Variants in SPTAN1 observed in about 807,000 individuals in gnomAD.
SPTAN1 encodes spectrin alpha chain, non-erythrocytic 1.
Under a neutral mutation model 331.3 loss-of-function variants are expected in SPTAN1, and 61 were observed. The ratio of observed to expected loss-of-function variants is 0.18; its 90% CI spans 0.15 to 0.23. The LOEUF (loss-of-function observed/expected upper bound fraction) is 0.23, where lower values mean the gene tolerates loss of function less well. Among genes scored for constraint, SPTAN1 ranks in the 10% least tolerant of loss-of-function variants. The pLI is 1.00. For synonymous variants in SPTAN1, 1,153 were observed against 1,173.9 expected (o/e 0.98, Z 0.36); for missense variants, 2,043 against 3,147.9 (o/e 0.65, Z 8.40).
rs1003144979 is a variant in SPTAN1 at position 128,629,827 on chromosome 9, C to A, written c.6708-494C>A. ...CACTTGTGTCCTTTGTCTGCAGGGT[C>A]GTGCTCTCATTCCCCCTAGAATGGG... On this transcript the variant is annotated intron_variant, in intron 51 of 56. Transcript: ENST00000372739. This position sits in a 1 kb window ranked among gnomAD's most constrained non-coding sequence, Gnocchi z 4.9. The A allele has an allele frequency of 3.2e-5, 10 of 309,046 alleles. No individual in the cohort carries two copies. In the East Asian group the frequency reaches 6.6e-4, roughly 20 times the overall value. The allele number at this position is 309,046 out of a possible 1,614,324, so 19.1% of individuals were successfully genotyped here. A position where few individuals can be genotyped will look rare whatever the true frequency, so the allele number is the denominator to read the frequency against.
intron 22 of SPTAN1, 28 bp downstream of exon 22, chr9:128,591,653 GCTA>G: frequency 6.2e-7 from 1 of 1,612,756 alleles, no homozygotes; most frequent in African/African-American, 1.3e-5. Flanking sequence ...GGCCGCAAGG[GCTA>G]GGCGTCCCAT....
intron 23 of SPTAN1, 113 bp from the exon 24 acceptor site, chr9:128,594,062 A>G: frequency 2.0e-6 from 2 of 1,000,176 alleles, no homozygotes; most frequent in Non-Finnish European, 1.6e-6. Flanking sequence ...CATCATTACA[A>G]ACTCGTAGCC....
chr9:128,632,874 G>T lies in SPTAN1; in HGVS notation c.7227G>T (p.Lys2409Asn). The change falls in exon 56 of 57, where the codon AAG becomes AAT. Residue 2409 changes from lysine (K) to asparagine (N), a missense_variant. Coordinates refer to ENST00000372739, the MANE Select transcript of SPTAN1 (RefSeq NM_001130438.3). The part of the protein sequence containing the change: ...FMISRETENV[K>N]SSEEIESAFR... ...TCAGCCGCGAAACTGAGAACGTCAAGTCCAGCGAGGAGATTGAGAGCGCCT... is the reference window on the plus strand; with the variant it reads ...TCAGCCGCGAAACTGAGAACGTCAATTCCAGCGAGGAGATTGAGAGCGCCT... The T allele has an allele frequency of 6.2e-7, 1 of 1,614,072 alleles. No homozygotes were observed. The highest frequency in any genetic ancestry group is 8.5e-7 in the Non-Finnish European group (1 of 1,180,050).
intron 30 of SPTAN1, 21 bp downstream of exon 30, chr9:128,605,199 C>CT: frequency 1.9e-6 from 3 of 1,614,098 alleles, no homozygotes; most frequent in Non-Finnish European, 2.5e-6. Context: ...CCAAAGTCAT[C>CT]TTCTGTCTGG....
intron 1 of SPTAN1, among the ~76,000 whole-genome samples, chr9:128,563,024 A>ATATATATG (rs1564188712): frequency 6.4e-5 from 9 of 140,606 alleles, no homozygotes; most frequent in African/African-American, 2.4e-4. Flanking sequence ...ATATATATAT[A>ATATATATG]TATGTATATA....
intron 41 of SPTAN1, among the ~76,000 whole-genome samples, chr9:128,616,083 G>A (rs919493068): frequency 2.0e-5 from 3 of 152,154 alleles, no homozygotes; most frequent in Admixed American, 6.5e-5. Context: ...TTAGATTCCC[G>A]TGAAAGTTAG....
chr9:128,568,855 C>G lies in SPTAN1; in HGVS notation c.321C>G (p.Asn107Lys). 6.2e-7 allele frequency: 1 copy of G among 1,614,140 alleles called. No homozygotes were observed. Residue 107 changes from asparagine (N) to lysine (K), a missense_variant, in exon 3 of 57, where the codon AAC becomes AAG. Physicochemically the swap from Asn to Lys is moderately conservative, Grantham distance 94. This residue lies in a region of SPTAN1 where 1,038 missense variants were observed against 1,531.5 expected (regional missense o/e 0.68). Coordinates refer to ENST00000372739, the MANE Select transcript of SPTAN1 (RefSeq NM_001130438.3). ...TTGTTAAGCTGGATGAAACTGGAAA[C>G]CTGATGATCTCAGAAGGGCATTTTG... ...GAIVKLDETGNLMISEGHFAS... is the reference protein window; with the variant it reads ...GAIVKLDETGKLMISEGHFAS...
intron 34 of SPTAN1, among the ~76,000 whole-genome samples, 182 bp from the exon 35 acceptor site, chr9:128,608,692 T>C (rs1856213590): frequency 6.6e-6 from 1 of 152,256 alleles, no homozygotes; most frequent in African/African-American, 2.4e-5. Context: ...ACTCTAGTAA[T>C]GAATGAAATC....
rs1387131675 is a variant in SPTAN1, at chr9:128,570,324, ATATATATTTTTTTTTTT to A, written c.363+1429_363+1445del. 2.2e-3 allele frequency among the ~76,000 whole-genome samples: 70 copies of A among 32,226 alleles called. 1 individual carries two copies. The highest frequency in any genetic ancestry group is 3.4e-3 in the Non-Finnish European group (58 of 16,978). The allele number at this position is 32,226 out of a possible 152,430, so 21.1% of individuals were successfully genotyped here. A position where few individuals can be genotyped will look rare whatever the true frequency, so the allele number is the denominator to read the frequency against. On this transcript the variant is annotated intron_variant, in intron 3 of 56. Coordinates refer to ENST00000372739, the MANE Select transcript of SPTAN1 (RefSeq NM_001130438.3). ...ACAGCTTATATATATATATATATAT[ATATATATTTTTTTTTTT>A]TTTTTTTTTTTTTGAGACGAAGTTT... is the stretch of plus-strand genomic sequence containing the variant.
At chr9:128,568,630 A>G in intron 2 of SPTAN1, 142 bp from the exon 3 acceptor site, 1 of 1,139,186 alleles carries the variant, frequency 8.8e-7, no homozygotes, top group South Asian at 1.3e-5. Flanking sequence ...TTGAGCAGGT[A>G]AGAGAATGGG....
At chr9:128,604,470 C>G in intron 29 of SPTAN1, 53 bp downstream of exon 29, 1 of 1,543,022 alleles carries the variant, frequency 6.5e-7, no homozygotes. Flanking sequence ...CTGCTGGTTT[C>G]CTGACAGCCC....
chr9:128,588,143 G>A (rs1204336841), intron 20 of SPTAN1, among the ~76,000 whole-genome samples: 2 of 148,324 alleles, frequency 1.3e-5, no homozygotes, highest in African/African-American at 5.0e-5. Context: ...GATTACTGGC[G>A]CCCGCCACCA....
intron 23 of SPTAN1, chr9:128,593,462 A>T: frequency 5.1e-6 from 1 of 197,168 alleles, no homozygotes. Flanking sequence ...TGATGATTCT[A>T]GTTTTTTTTA....
chr9:128,580,933 T>C lies in SPTAN1; in HGVS notation c.1335T>C (p.Leu445=). ...SDEVREKLTV[L]SEERAALLEL... ...CCTATGCCCCCAAGCTGACCGTCCTTTCCGAGGAGAGAGCGGCGCTGCTGG... is the reference window on the plus strand; with the variant it reads ...CCTATGCCCCCAAGCTGACCGTCCTCTCCGAGGAGAGAGCGGCGCTGCTGG... Residue 445 remains leucine, a synonymous_variant, in exon 11 of 57, where the codon CTT becomes CTC. Transcript: ENST00000372739. 2 of 1,613,200 alleles carry C rather than the reference T, an allele frequency of 1.2e-6. No homozygotes were observed. The highest frequency in any genetic ancestry group is 1.7e-6 in the Non-Finnish European group (2 of 1,180,008).
chr9:128,632,514 G>T, intron 54 of SPTAN1, 30 bp downstream of exon 54: 1 of 1,614,164 alleles, frequency 6.2e-7, no homozygotes, highest in Non-Finnish European at 8.5e-7. Flanking sequence ...CCCTGGCTGG[G>T]TGGGGGGTGT....
Position 128,574,808 on chromosome 9 carries a change from A to G in SPTAN1, c.497A>G (p.Asn166Ser), listed in dbSNP as rs139943747. 6.8e-6 allele frequency: 11 copies of G among 1,613,950 alleles called. No homozygotes were observed. The highest frequency in any genetic ancestry group is 2.2e-5 in the East Asian group (1 of 44,902). The change falls in exon 4 of 57, where the codon AAT becomes AGT. Residue 166 changes from asparagine (N) to serine (S), a missense_variant. Physicochemically the swap from Asn to Ser is conservative, Grantham distance 46 (BLOSUM62 1). Transcript: ENST00000372739. ...TGTGAGGACGTGATGGACTGGATCA[A>G]TGACAAGGCACGTTTTGGGAAGAAG... is the stretch of plus-strand genomic sequence containing the variant. ...RECEDVMDWI[N>S]DKEAIVTSEE...
At chr9:128,626,739 G>GGGA in intron 49 of SPTAN1, 52 bp downstream of exon 49, 1 of 1,548,872 alleles carries the variant, frequency 6.5e-7, no homozygotes, top group Non-Finnish European at 8.7e-7. Context: ...AGCCCTCTCT[G>GGGA]GGCCCTGCTC....
chr9:128,618,154 GCA>G, intron 43 of SPTAN1, 46 bp downstream of exon 43: 1 of 1,610,348 alleles, frequency 6.2e-7, no homozygotes, highest in Middle Eastern at 2.2e-4. Flanking sequence ...TGGAAGGCCA[GCA>G]CCCAAGGGCA....
At chr9:128,609,327 G>A in intron 36 of SPTAN1, 43 bp downstream of exon 36, 4 of 1,613,530 alleles carry the variant, frequency 2.5e-6, no homozygotes, top group Non-Finnish European at 3.4e-6. Flanking sequence ...GTAGCCTTAT[G>A]TTATTGAGTA....
Sources: allele counts gnomAD v4.1 joint callset (sites outside exome capture counted in the v4.1 genomes callset), GRCh38; gene constraint gnomAD v4.1.1; regional missense constraint gnomAD v4.1.1; non-coding constraint Gnocchi (gnomAD v3.1); transcripts MANE v1.5; gene names NCBI Gene and HGNC (gene_info 2026-07-23, HGNC 2026-07-21).